MGA: variants seen among roughly 807,000 people sequenced by gnomAD.
The protein encoded by MGA is MAX gene-associated protein.
MGA carries 40 observed loss-of-function variants against 261.1 expected under a neutral mutation model. The observed-to-expected ratio is 0.15, with a 90% confidence interval of 0.12 to 0.20. MGA has a LOEUF of 0.20. Ranked by LOEUF, MGA falls within the 10% of genes least tolerant of loss-of-function variation. The pLI is 1.00. For synonymous variants in MGA, 1,302 were observed against 1,290.6 expected, an observed-to-expected ratio of 1.01 and a Z score of -0.19; for missense variants, 3,397 against 3,630.5, an observed-to-expected ratio of 0.94 and a Z score of 1.65.
At chr15:41,710,078 C>T (rs895716685) in intron 7 of MGA, among the ~76,000 whole-genome samples, 5 of 152,262 alleles carry the variant, frequency 3.3e-5, no homozygotes, top group Middle Eastern at 3.4e-3. Flanking sequence ...CTGCCTGCCT[C>T]AGCCTCCCAA....
chr15:41,750,405 G>A lies in MGA; in HGVS notation c.6798G>A (p.Gly2266=). ...GGAGAGCTGCAAAAAGCAGCAGAGG[G>A]AATGGACATTTTCAGGGTCACTTAC... is the stretch of plus-strand genomic sequence containing the variant. The change falls in exon 17 of 24, where the codon GGG becomes GGA. Residue 2266 remains glycine, a synonymous_variant. Transcript: ENST00000219905. 1 of 1,613,910 alleles carries A rather than the reference G, an allele frequency of 6.2e-7. No homozygotes were observed. The highest frequency in any genetic ancestry group is 2.2e-5 in the East Asian group (1 of 44,876).
rs763141083 is a variant in MGA at position 41,760,540 on chromosome 15, T to A, written c.7398+11T>A. ...CTCATTCTTACTCGAGTAAGTGTTC[T>A]GTGTAAATGACAGTAAGAGCTTGAC... is the stretch of plus-strand genomic sequence containing the variant. On this transcript the variant is annotated intron_variant, in intron 20 of 23. Coordinates refer to ENST00000219905, the MANE Select transcript of MGA (RefSeq NM_001164273.2). 15 of 1,612,498 alleles carry A rather than the reference T, an allele frequency of 9.3e-6. No individual in the cohort carries two copies. The Admixed American group carries it at 1.5e-4, about 16-fold the overall frequency.
At chr15:41,756,765 G>A (rs1056154017) in intron 18 of MGA, among the ~76,000 whole-genome samples, 5 of 151,940 alleles carry the variant, frequency 3.3e-5, no homozygotes, top group African/African-American at 7.3e-5. Flanking sequence ...TTTTATTTTC[G>A]ATATTTTTTG....
chr15:41,749,410 AG>A lies in MGA; in HGVS notation c.5804del (p.Ser1935IlefsTer34). On this transcript the variant is annotated frameshift_variant, in exon 17 of 24. Transcript: ENST00000219905. LOFTEE classifies it high-confidence loss of function. ...AGGAGGACAGCCTGTTGGTACAGCC[AG>A]TCTTATTCCTCTCCAGTCTGGTAGT... 6.2e-7 allele frequency: 1 copy of A among 1,614,028 alleles called. No individual in the cohort carries two copies. The highest frequency in any genetic ancestry group is 8.5e-7 in the Non-Finnish European group (1 of 1,179,894).
chr15:41,766,320 G>A lies in MGA; in HGVS notation c.8238G>A (p.Lys2746=). Reference sequence around the variant, plus strand: ...AAGCACAAGAGTTCTTACCTAAAAAGATTTCTGGTGATATGAGAGGGATTC... The same window carrying A: ...AAGCACAAGAGTTCTTACCTAAAAAAATTTCTGGTGATATGAGAGGGATTC... Residue 2746 remains lysine, a synonymous_variant, in exon 24 of 24, where the codon AAG becomes AAA. Transcript: ENST00000219905. 6.2e-7 allele frequency: 1 copy of A among 1,613,912 alleles called. No individual in the cohort carries two copies. Among genetic ancestry groups the A allele is most frequent in the Non-Finnish European group, 8.5e-7 (1 of 1,179,840 alleles).
At chr15:41,748,473 G>C (rs1036508137) in intron 15 of MGA, among the ~76,000 whole-genome samples, 164 bp from the exon 16 acceptor site, 3 of 152,172 alleles carry the variant, frequency 2.0e-5, no homozygotes, top group African/African-American at 4.8e-5. Context: ...AGAATCACTT[G>C]AACTAGGGAG....
At chr15:41,671,921 T>C (rs1189158542) in intron 2 of MGA, among the ~76,000 whole-genome samples, 2 of 152,228 alleles carry the variant, frequency 1.3e-5, no homozygotes, top group Non-Finnish European at 2.9e-5. Context: ...TGCTGTGGTA[T>C]TGTTTGTAAT....
chr15:41,629,243 T>G (rs1182167521), intron 1 of MGA, among the ~76,000 whole-genome samples: 1 of 152,114 alleles, frequency 6.6e-6, no homozygotes, highest in Non-Finnish European at 1.5e-5. Context: ...CAACAGGATT[T>G]GCTGATAGAT....
At chr15:41,687,494 A>G (rs1289566166) in intron 2 of MGA, among the ~76,000 whole-genome samples, 2 of 152,112 alleles carry the variant, frequency 1.3e-5, no homozygotes, top group Non-Finnish European at 2.9e-5. Flanking sequence ...TAAAATTTTT[A>G]CTGTTTAGCC....
chr15:41,720,333 C>T (rs979826356), intron 9 of MGA, among the ~76,000 whole-genome samples: 2 of 152,008 alleles, frequency 1.3e-5, no homozygotes, highest in Admixed American at 6.6e-5. Flanking sequence ...CCCAGGAGTT[C>T]GAGACCTGCC....
chr15:41,750,225 G>C lies in MGA; in HGVS notation c.6618G>C (p.Lys2206Asn). Reference sequence around the variant, plus strand: ...ACGAGCAGTTAATTAAAGAAACAAAGACATGTCAGGAAAATTCAGATGTGT... The same window carrying C: ...ACGAGCAGTTAATTAAAGAAACAAACACATGTCAGGAAAATTCAGATGTGT... The change falls in exon 17 of 24, where the codon AAG becomes AAC. Residue 2206 changes from lysine (K) to asparagine (N), a missense_variant. By Grantham distance (94) the Lys-to-Asn change is moderately conservative. Coordinates refer to ENST00000219905, the MANE Select transcript of MGA (RefSeq NM_001164273.2). 2 of 1,613,898 alleles carry C rather than the reference G, an allele frequency of 1.2e-6. No individual in the cohort carries two copies. The highest frequency in any genetic ancestry group is 1.7e-6 in the Non-Finnish European group (2 of 1,179,878).
intron 1 of MGA, among the ~76,000 whole-genome samples, chr15:41,651,163 T>G (rs909683692): frequency 6.6e-6 from 1 of 152,098 alleles, no homozygotes; most frequent in African/African-American, 2.4e-5. Context: ...ATTAATCCAT[T>G]CATGAGGGCC....
At position 41,742,957 on chromosome 15, in the gene MGA, T is replaced by A; in HGVS notation, c.4997T>A (p.Ile1666Lys). 1 of 1,614,028 alleles carries A rather than the reference T, an allele frequency of 6.2e-7. No individual in the cohort carries two copies. The highest frequency in any genetic ancestry group is 8.5e-7 in the Non-Finnish European group (1 of 1,179,892). ...GTGAACCTTACCAAAACCACTGGGA[T>A]AACTACCCCTGTGGCTTCAGTTGCT... The change falls in exon 15 of 24, where the codon ATA becomes AAA. Residue 1666 changes from isoleucine (I) to lysine (K), a missense_variant. Ile to Lys is a moderately radical substitution (Grantham distance 102). Transcript: ENST00000219905.
chr15:41,713,250 G>A lies in MGA; in HGVS notation c.3184G>A (p.Ala1062Thr), dbSNP rs2060471956. The change falls in exon 9 of 24, where the codon GCT (alanine) becomes ACT (threonine). Residue 1062 changes from alanine to threonine, a missense_variant. By Grantham distance (58) the Ala-to-Thr change is moderately conservative (BLOSUM62 0). This residue lies in a region of MGA where 519 missense variants were observed against 554.1 expected (regional missense o/e 0.94). Transcript: ENST00000219905. ...ACTGGGTTGTGTATGTTCCAGTCTA[G>A]CTTTGGAGAAGCGCCAACCTGCTCA... 1.2e-6 allele frequency: 2 copies of A among 1,614,028 alleles called. No individual in the cohort carries two copies. Among genetic ancestry groups the A allele is most frequent in the South Asian group, 2.2e-5 (2 of 91,090 alleles).
At chr15:41,754,262 T>C (rs901725568) in intron 17 of MGA, among the ~76,000 whole-genome samples, 175 bp from the exon 18 acceptor site, 5 of 152,320 alleles carry the variant, frequency 3.3e-5, no homozygotes, top group East Asian at 3.9e-4. Flanking sequence ...TCTAATGATA[T>C]GTTATCTTTC....
In MGA at chr15:41,767,012, A is replaced by C; in HGVS notation, c.8930A>C (p.Asn2977Thr). Residue 2977 changes from asparagine to threonine, a missense_variant, in exon 24 of 24, where the codon AAC (asparagine) becomes ACC (threonine). This residue lies in a region of MGA where 647 missense variants were observed against 642.4 expected (regional missense o/e 1.01). Coordinates refer to ENST00000219905, the MANE Select transcript of MGA (RefSeq NM_001164273.2). ...ATGAAGACTGGCTTGGAGAACAGCA[A>C]CAGCACAGACACTTTGTGGAGGCCT... 6.2e-7 allele frequency: 1 copy of C among 1,614,018 alleles called. No individual in the cohort carries two copies. Among genetic ancestry groups the C allele is most frequent in the Non-Finnish European group, 8.5e-7 (1 of 1,179,886 alleles).
intron 1 of MGA, among the ~76,000 whole-genome samples, chr15:41,623,076 A>G (rs1375113046): frequency 6.6e-6 from 1 of 152,212 alleles, no homozygotes; most frequent in African/African-American, 2.4e-5. Flanking sequence ...AAGTACTGTT[A>G]TCTCCGTTTT....
chr15:41,745,281 T>TAAAA (rs71108126), intron 15 of MGA, among the ~76,000 whole-genome samples: 2 of 33,240 alleles, frequency 6.0e-5, no homozygotes, highest in Non-Finnish European at 1.3e-4. Flanking sequence ...GAATGATCAA[T>TAAAA]AAAAAAAAAA....
intron 1 of MGA, among the ~76,000 whole-genome samples, chr15:41,666,713 CTG>C (rs2057761259): frequency 6.6e-6 from 1 of 152,188 alleles, no homozygotes; most frequent in Non-Finnish European, 1.5e-5. Flanking sequence ...TCTTTTGTGA[CTG>C]TTAACATTCC....
Sources: gnomAD v4.1 joint callset for allele counts (sites outside exome capture counted in the v4.1 genomes callset) on GRCh38, gnomAD v4.1.1 for gene constraint, gnomAD v4.1.1 regional missense constraint, MANE v1.5 for transcripts, NCBI Gene and HGNC (gene_info 2026-07-23, HGNC 2026-07-21) for gene names.